The following EMB variants were observed in gnomAD, a reference collection of about 807,000 sequenced individuals.
EMB encodes embigin, also known as embigin homolog.
In EMB, 31 loss-of-function variants were observed where a neutral mutation model predicts 41.4. The observed-to-expected ratio is 0.75, with a 90% CI of 0.56 to 1.01. EMB has a LOEUF of 1.01. EMB is among the 50% of genes least tolerant of loss of function. The pLI, the probability that EMB is intolerant of heterozygous loss-of-function variation, is 0.00. For missense variants in EMB, 379 were observed against 388.3 expected (o/e 0.98, Z 0.20); for synonymous variants, 137 against 140.4 (o/e 0.98, Z 0.17).
intron 4 of EMB, among the ~76,000 whole-genome samples, chr5:50,408,914 CAAGG>C (rs1209752859): frequency 6.6e-6 from 1 of 151,664 alleles, no homozygotes; most frequent in Non-Finnish European, 1.5e-5. Flanking sequence ...TTTATTTTAC[CAAGG>C]AAGATTTAAA....
chr5:50,398,633 A>G lies in EMB; in HGVS notation c.*640T>C, dbSNP rs991700871. ...TTATGAGTGGAATAAAGACTGGAAA[A>G]TTTGCTTTTGTAGTGCAGAGCTTTA... On this transcript the variant is annotated 3_prime_UTR_variant, in exon 9 of 9. Coordinates refer to ENST00000303221, the MANE Select transcript of EMB (RefSeq NM_198449.3). The G allele has an allele frequency of 1.3e-5, 2 of 152,020 alleles. No homozygotes were observed. Among genetic ancestry groups the G allele is most frequent in the African/African-American group, 4.8e-5 (2 of 41,416 alleles). The allele number at this position is 152,020 out of a possible 1,614,324, so 9.4% of individuals were successfully genotyped here.
In EMB at chr5:50,401,402, T is replaced by A. The variant is rs576653703; in HGVS notation, c.911+884A>T. 1.5e-3 allele frequency among the ~76,000 whole-genome samples: 227 copies of A among 152,168 alleles called. 7 individuals are homozygous for A. The South Asian group carries it at 0.046, about 31-fold the overall frequency. ...ACTCCATAGAGCTCCTGTTGGCTGA[T>A]AAACTCTAAGTGCCATTTTGTGTTA... On this transcript the variant is annotated intron_variant, in intron 7 of 8. Coordinates refer to ENST00000303221, the MANE Select transcript of EMB (RefSeq NM_198449.3).
chr5:50,442,638 C>T (rs1489780944), upstream of EMB, among the ~76,000 whole-genome samples: 1 of 152,132 alleles, frequency 6.6e-6, no homozygotes, highest in African/African-American at 2.4e-5. Context: ...TAAAAGATGC[C>T]TTCAAGGACT....
Position 50,441,098 on chromosome 5 carries a change from G to A in EMB, c.54C>T (p.Leu18=), listed in dbSNP as rs1745902405. 1.3e-6 allele frequency: 2 copies of A among 1,519,536 alleles called. No individual in the cohort carries two copies. The highest frequency in any genetic ancestry group is 2.6e-5 in the East Asian group (1 of 39,004). 94.1% of individuals were successfully genotyped at this position (1,519,536 alleles called of 1,614,324 possible). Residue 18 remains leucine, a synonymous_variant, in exon 1 of 9, where the codon CTC becomes CTT. Coordinates refer to ENST00000303221, the MANE Select transcript of EMB (RefSeq NM_198449.3). Reference sequence around the variant, plus strand: ...CGGCAGCGAGAAGGCACTGGAGGAGGAGCAGCCGGGGCGTACGCGCCCTGG... The same window carrying A: ...CGGCAGCGAGAAGGCACTGGAGGAGAAGCAGCCGGGGCGTACGCGCCCTGG... ...LEARARTPRL[L]LLQCLLAAAR...
chr5:50,429,968 T>TCTC (rs1745686572), intron 1 of EMB, among the ~76,000 whole-genome samples: 8 of 62,148 alleles, frequency 1.3e-4, no homozygotes, highest in African/African-American at 3.1e-4. Flanking sequence ...CCAACTCTCT[T>TCTC]TCTCTCTCTC....
At chr5:50,417,332 AC>A (rs906384447) in intron 2 of EMB, among the ~76,000 whole-genome samples, 104 of 152,362 alleles carry the variant, frequency 6.8e-4, no homozygotes, top group African/African-American at 2.3e-3. Flanking sequence ...TATGGAGTTA[AC>A]TTATGAATAA....
In EMB at chr5:50,396,588, AGCG is replaced by A. The variant is rs1745069695; in HGVS notation, c.*2682_*2684del. On this transcript the variant is annotated 3_prime_UTR_variant, in exon 9 of 9. Transcript: ENST00000303221. Reference sequence around the variant, plus strand: ...GTAGAAGTGTGAAGAGCACTTTCTGAGCGGAATCTCCATGTGCCAAGTCTAGTT... The same window carrying A: ...GTAGAAGTGTGAAGAGCACTTTCTGAGAATCTCCATGTGCCAAGTCTAGTT... 1 of 152,142 alleles carries A rather than the reference AGCG, an allele frequency of 6.6e-6. No homozygotes were observed. The allele number at this position is 152,142 out of a possible 1,614,324, so 9.4% of individuals were successfully genotyped here. A position where few individuals can be genotyped will look rare whatever the true frequency, so the allele number is the denominator to read the frequency against.
At chr5:50,416,892 G>C (rs2111813364) in intron 2 of EMB, among the ~76,000 whole-genome samples, 1 of 152,238 alleles carries the variant, frequency 6.6e-6, no homozygotes, top group African/African-American at 2.4e-5. Flanking sequence ...GTTACCTTCT[G>C]TTTTCTAGAA....
intron 2 of EMB, among the ~76,000 whole-genome samples, chr5:50,422,478 C>T (rs376758011): frequency 6.6e-6 from 1 of 152,132 alleles, no homozygotes; most frequent in African/African-American, 2.4e-5. Context: ...AGTTTGGGAA[C>T]TGAAATATGA....
chr5:50,415,520 G>A (rs1230769747), intron 2 of EMB, among the ~76,000 whole-genome samples: 47 of 151,996 alleles, frequency 3.1e-4, no homozygotes, highest in Non-Finnish European at 5.9e-5. Flanking sequence ...TATCTCACTG[G>A]GGAATATTAT....
At position 50,429,601 on chromosome 5, in the gene EMB, G is replaced by A. The variant is rs567817433; in HGVS notation, c.113-1374C>T. Among the ~76,000 whole-genome samples, 8 of 152,200 alleles carry A rather than the reference G, an allele frequency of 5.3e-5. No individual in the cohort carries two copies. In the East Asian group the frequency reaches 1.5e-3, roughly 29 times the overall value. ...TCTAAAACAGCTTTAGAAGTTTAAT[G>A]CACTTTCTAAACCACCATGGCACAT... On this transcript the variant is annotated intron_variant, in intron 1 of 8. Transcript: ENST00000303221.
intron 1 of EMB, among the ~76,000 whole-genome samples, chr5:50,439,846 T>C (rs1236721187): frequency 6.6e-6 from 1 of 152,206 alleles, no homozygotes; most frequent in African/African-American, 2.4e-5. Flanking sequence ...TTTTGCAGAA[T>C]AATGTCCCAA....
At chr5:50,439,938 A>C (rs899022676) in intron 1 of EMB, among the ~76,000 whole-genome samples, 1 of 152,180 alleles carries the variant, frequency 6.6e-6, no homozygotes, top group African/African-American at 2.4e-5. Flanking sequence ...TTTATGACAC[A>C]GAAACTTGCA....
At chr5:50,430,094 G>T (rs1320031168) in intron 1 of EMB, among the ~76,000 whole-genome samples, 1 of 151,242 alleles carries the variant, frequency 6.6e-6, no homozygotes, top group African/African-American at 2.4e-5. Flanking sequence ...AAAATTCCTT[G>T]TTTCCATTCT....
chr5:50,426,376 A>G (rs1745610697), intron 2 of EMB, among the ~76,000 whole-genome samples: 1 of 152,236 alleles, frequency 6.6e-6, no homozygotes, highest in Non-Finnish European at 1.5e-5. Context: ...GTACATAGTC[A>G]ACATCATGAG....
At chr5:50,424,176 A>G (rs898443456) in intron 2 of EMB, among the ~76,000 whole-genome samples, 1 of 152,122 alleles carries the variant, frequency 6.6e-6, no homozygotes, top group African/African-American at 2.4e-5. Flanking sequence ...ATCGGTAGAA[A>G]CTTCTTTACT....
intron 2 of EMB, among the ~76,000 whole-genome samples, chr5:50,420,152 G>A (rs564905935): frequency 1.3e-5 from 2 of 152,178 alleles, no homozygotes; most frequent in South Asian, 4.2e-4. Context: ...TAACAAACCT[G>A]TACATCCGGC....
At chr5:50,432,085 A>G (rs1353177238) in intron 1 of EMB, among the ~76,000 whole-genome samples, 1 of 152,198 alleles carries the variant, frequency 6.6e-6, no homozygotes, top group East Asian at 1.9e-4. Flanking sequence ...GACTTCATTT[A>G]ATTGAAGTAA....
chr5:50,418,664 C>A (rs369167232), intron 2 of EMB, among the ~76,000 whole-genome samples: 1 of 152,146 alleles, frequency 6.6e-6, no homozygotes, highest in Non-Finnish European at 1.5e-5. Flanking sequence ...AAATATATCA[C>A]GTGCCTTTAT....
Sources: gnomAD v4.1 joint callset for allele counts (sites outside exome capture counted in the v4.1 genomes callset) on GRCh38, gnomAD v4.1.1 for gene constraint, MANE v1.5 for transcripts, NCBI Gene and HGNC (gene_info 2026-07-23, HGNC 2026-07-21) for gene names.